Variants in BMPER observed in about 807,000 individuals in gnomAD.
BMPER encodes the protein BMP-binding endothelial regulator protein.
In BMPER, 45 loss-of-function variants were observed where a neutral mutation model predicts 87.3. The observed-to-expected ratio is 0.52, with a 90% CI of 0.41 to 0.66. The LOEUF (loss-of-function observed/expected upper bound fraction) is 0.66, where lower values mean the gene tolerates loss of function less well. Ranked by LOEUF, BMPER falls within the 30% of genes least tolerant of loss-of-function variation. BMPER has a pLI of 0.00. For synonymous variants in BMPER, 326 were observed against 316.2 expected (o/e 1.03, Z -0.33); for missense variants, 784 against 867.5 (o/e 0.90, Z 1.21).
Position 33,913,099 on chromosome 7 carries a change from C to T in BMPER, c.219+6196C>T, listed in dbSNP as rs142848001. Among the ~76,000 whole-genome samples the T allele has an allele frequency of 6.0e-3, 909 of 152,256 alleles. 8 individuals carry two copies. The highest frequency in any genetic ancestry group is 0.021 in the African/African-American group (861 of 41,540). ...TGACAGAAAAGCACTGTAATAGACT[C>T]AAACCCCTGTACTAAGGGGGCTGCC... On this transcript the variant is annotated intron_variant, in intron 2 of 14. Transcript: ENST00000649409.
intron 6 of BMPER, among the ~76,000 whole-genome samples, chr7:33,984,451 C>G (rs538126006): frequency 3.2e-4 from 49 of 151,788 alleles, no homozygotes; most frequent in Middle Eastern, 3.4e-3. Flanking sequence ...GGCAACAGAG[C>G]AAGAGTCCGT....
intron 6 of BMPER, among the ~76,000 whole-genome samples, chr7:33,993,851 A>G (rs1322127066): frequency 6.6e-6 from 1 of 152,146 alleles, no homozygotes; most frequent in Non-Finnish European, 1.5e-5. Context: ...CAGGACCCTC[A>G]GCTGCAGGTC....
chr7:34,140,600 A>G (rs1009909643), intron 13 of BMPER, among the ~76,000 whole-genome samples: 2 of 152,190 alleles, frequency 1.3e-5, no homozygotes, highest in Admixed American at 6.5e-5. Context: ...GGTGGAGTGT[A>G]TGTACACAGT....
intron 6 of BMPER, among the ~76,000 whole-genome samples, chr7:34,015,318 C>T (rs1786990146): frequency 2.0e-5 from 3 of 151,926 alleles, no homozygotes; most frequent in Admixed American, 6.6e-5. Flanking sequence ...TAATACTTCA[C>T]AGTGTTGAGT....
chr7:33,938,985 A>T (rs1377806590), intron 3 of BMPER, among the ~76,000 whole-genome samples: 2 of 152,182 alleles, frequency 1.3e-5, no homozygotes, highest in Non-Finnish European at 2.9e-5. Context: ...AGATTGCGCC[A>T]CTGCACTCCA....
At chr7:34,089,061 T>C (rs1789301218) in intron 13 of BMPER, among the ~76,000 whole-genome samples, 1 of 152,166 alleles carries the variant, frequency 6.6e-6, no homozygotes, top group Non-Finnish European at 1.5e-5. Flanking sequence ...CCCACACATG[T>C]AAATTTTTGC....
intron 6 of BMPER, among the ~76,000 whole-genome samples, chr7:34,030,760 A>G (rs1787499942): frequency 6.6e-6 from 1 of 151,850 alleles, no homozygotes; most frequent in African/African-American, 2.4e-5. Flanking sequence ...CACTGCCACC[A>G]TGCTTGTCTA....
chr7:33,975,131 G>A (rs146670179), intron 6 of BMPER, among the ~76,000 whole-genome samples: 1 of 152,308 alleles, frequency 6.6e-6, no homozygotes, highest in Non-Finnish European at 1.5e-5. Flanking sequence ...CCTGATTGAG[G>A]AACTCTGCTC....
In BMPER at chr7:34,118,668, C is replaced by T. The variant is rs543969314; in HGVS notation, c.1746-24562C>T. ...TTGTGTGCCAATTTGGCTAAGCAAC[C>T]ATATACAAATAGTCAAATATTATTC... On this transcript the variant is annotated intron_variant, in intron 13 of 14. Transcript: ENST00000649409. 8.4e-4 allele frequency among the ~76,000 whole-genome samples: 128 copies of T among 152,160 alleles called. 1 individual carries two copies. The South Asian group carries it at 0.016, about 20-fold the overall frequency.
At chr7:33,974,935 A>C in intron 6 of BMPER, 151 bp downstream of exon 6, 3 of 799,900 alleles carry the variant, frequency 3.8e-6, no homozygotes, top group Non-Finnish European at 6.5e-6. Context: ...GGAAAAGCTC[A>C]TCCACCTGGC....
intron 11 of BMPER, among the ~76,000 whole-genome samples, chr7:34,075,082 C>G (rs1046633046): frequency 2.0e-5 from 3 of 152,000 alleles, no homozygotes; most frequent in African/African-American, 4.8e-5. Flanking sequence ...AAAATAATCA[C>G]TGCTCTCAGA....
At chr7:34,011,011 T>C (rs1291417393) in intron 6 of BMPER, among the ~76,000 whole-genome samples, 1 of 151,936 alleles carries the variant, frequency 6.6e-6, no homozygotes, top group African/African-American at 2.4e-5. Context: ...TTCTGAAGTT[T>C]AAGTTCTGGT....
intron 14 of BMPER, among the ~76,000 whole-genome samples, chr7:34,143,837 T>C (rs1429225911): frequency 6.6e-6 from 1 of 152,164 alleles, no homozygotes; most frequent in Non-Finnish European, 1.5e-5. Context: ...GGCAAGTAAA[T>C]TAGCTTATTT....
chr7:34,046,462 G>A, intron 7 of BMPER, 57 bp downstream of exon 7: 3 of 1,547,656 alleles, frequency 1.9e-6, no homozygotes, highest in Middle Eastern at 1.7e-4. Context: ...AGTTTCTGCT[G>A]GGAGTGTTTA....
chr7:34,032,412 C>T (rs1482965234), intron 6 of BMPER, among the ~76,000 whole-genome samples: 1 of 152,090 alleles, frequency 6.6e-6, no homozygotes, highest in Non-Finnish European at 1.5e-5. Flanking sequence ...TTTGATTCAT[C>T]ACCCATTATC....
chr7:34,000,070 C>G (rs1014574016), intron 6 of BMPER, among the ~76,000 whole-genome samples: 1 of 152,144 alleles, frequency 6.6e-6, no homozygotes, highest in Non-Finnish European at 1.5e-5. Context: ...ATCTGTAATT[C>G]TTTTCTCCAA....
intron 13 of BMPER, among the ~76,000 whole-genome samples, chr7:34,119,828 T>G (rs909729288): frequency 1.3e-5 from 2 of 152,084 alleles, no homozygotes; most frequent in African/African-American, 2.4e-5. Context: ...TTAAATGTGC[T>G]TTGCAAGGGG....
In BMPER at chr7:33,922,820, AT is replaced by A. The variant is rs530916592; in HGVS notation, c.220-14459del. Among the ~76,000 whole-genome samples the A allele has an allele frequency of 8.6e-5, 13 of 150,408 alleles. No individual in the cohort carries two copies. In the South Asian group the frequency reaches 1.7e-3, roughly 19 times the overall value. Reference sequence around the variant, plus strand: ...AGTGTTCAGGTGGGGGTTAGTAAATATTTTTTTTTTACTAATGATGATGTGC... The same window carrying A: ...AGTGTTCAGGTGGGGGTTAGTAAATATTTTTTTTTACTAATGATGATGTGC... On this transcript the variant is annotated intron_variant, in intron 2 of 14. Coordinates refer to ENST00000649409, the MANE Select transcript of BMPER (RefSeq NM_001365308.1).
At chr7:34,090,125 C>T (rs1789339909) in intron 13 of BMPER, among the ~76,000 whole-genome samples, 1 of 152,192 alleles carries the variant, frequency 6.6e-6, no homozygotes, top group African/African-American at 2.4e-5. Context: ...TAACCAAATG[C>T]ATTGATAACA....
Sources: gnomAD v4.1 joint callset for allele counts (sites outside exome capture counted in the v4.1 genomes callset) on GRCh38, gnomAD v4.1.1 for gene constraint, MANE v1.5 for transcripts, NCBI Gene and HGNC (gene_info 2026-07-23, HGNC 2026-07-21) for gene names.